Variants in PRRC2B observed in about 807,000 individuals in gnomAD.
PRRC2B encodes the protein proline rich coiled-coil 2B, also known as protein PRRC2B.
PRRC2B carries 68 observed loss-of-function variants against 242.3 expected under a neutral mutation model. The ratio of observed to expected loss-of-function variants is 0.28; its 90% confidence interval spans 0.23 to 0.34. The LOEUF is 0.34. Among genes scored for constraint, PRRC2B ranks in the 10% least tolerant of loss-of-function variants. PRRC2B has a pLI of 1.00. For missense variants in PRRC2B, 2,835 were observed against 2,954.8 expected (o/e 0.96, Z 0.94); for synonymous variants, 1,228 against 1,173.6 (o/e 1.05, Z -0.95).
chr9:131,447,759 A>C lies in PRRC2B; in HGVS notation c.1075A>C (p.Lys359Gln). 1.9e-6 allele frequency: 3 copies of C among 1,613,836 alleles called. No homozygotes were observed. The highest frequency in any genetic ancestry group is 2.5e-6 in the Non-Finnish European group (3 of 1,179,794). ...RPTIINAENL[K>Q]GLDDLDADAD... ...CACCATTATCAATGCGGAAAACCTG[A>C]AGGGCCTTGACGATCTGGACGCCGA... The change falls in exon 9 of 32, where the codon AAG becomes CAG. Residue 359 changes from lysine to glutamine, a missense_variant. This residue lies in a region of PRRC2B where 626 missense variants were observed against 685.5 expected (regional missense o/e 0.91). Transcript: ENST00000683519.
chr9:131,417,336 C>T (rs1448165104), intron 1 of PRRC2B, among the ~76,000 whole-genome samples: 2 of 152,104 alleles, frequency 1.3e-5, no homozygotes, highest in East Asian at 3.8e-4. Context: ...TTCCCCACCC[C>T]TTCCCCCTCT....
In PRRC2B at chr9:131,388,503, G is replaced by A. The variant is rs189839629; in HGVS notation, c.-56+14772G>A. 1.9e-3 allele frequency among the ~76,000 whole-genome samples: 287 copies of A among 149,694 alleles called. 15 individuals carry two copies. The highest frequency in any genetic ancestry group is 0.014 in the Middle Eastern group (4 of 290). On this transcript the variant is annotated intron_variant, in intron 1 of 1. Coordinates refer to the PRRC2B transcript ENST00000682525. ...GATCCGCGCACCTCGGACTCCCAAA[G>A]TGCTGGGATTACAGACGTGTGCCAC...
chr9:131,459,064 T>C, intron 10 of PRRC2B, 100 bp from the exon 11 acceptor site: 3 of 1,030,320 alleles, frequency 2.9e-6, no homozygotes, highest in Non-Finnish European at 4.4e-6. Context: ...AGAAAATGAT[T>C]TGGACAGCTG....
intron 19 of PRRC2B, 74 bp from the exon 20 acceptor site, chr9:131,481,652 G>A (rs45536539): frequency 0.13 from 155,900 of 1,215,816 alleles, 11,529 homozygotes; most frequent in Non-Finnish European, 0.14. Context: ...GCCTGTGCTT[G>A]TTCTTTAAGA....
intron 11 of PRRC2B, among the ~76,000 whole-genome samples, chr9:131,461,804 GGT>G (rs1035506703): frequency 6.0e-4 from 91 of 152,296 alleles, no homozygotes; most frequent in African/African-American, 1.9e-3. Context: ...TGGGATTTCA[GGT>G]GTGAGCCACT....
intron 1 of PRRC2B, among the ~76,000 whole-genome samples, chr9:131,410,963 G>A (rs938146661): frequency 6.6e-6 from 1 of 151,994 alleles, no homozygotes; most frequent in African/African-American, 2.4e-5. Context: ...TCTGAGTACA[G>A]ATTTATTTTT....
At chr9:131,468,964 C>A (rs1283154513) in intron 13 of PRRC2B, among the ~76,000 whole-genome samples, 2 of 152,174 alleles carry the variant, frequency 1.3e-5, no homozygotes, top group Admixed American at 6.5e-5. Flanking sequence ...TCTGGAATTA[C>A]TTGCGCCAAA....
Position 131,474,450 on chromosome 9 carries a change from T to G in PRRC2B, c.2325-4T>G. 1 of 1,597,430 alleles carries G rather than the reference T, an allele frequency of 6.3e-7. No homozygotes were observed. Among genetic ancestry groups the G allele is most frequent in the East Asian group, 2.2e-5 (1 of 44,588 alleles). ...ATTGACTGATTTTTCTGGTTCCTTT[T>G]CAGGAATGAAAGCTCTTTCTCTGCC... On this transcript the variant is annotated splice_polypyrimidine_tract_variant and splice_region_variant and intron_variant, in intron 15 of 31. Transcript: ENST00000683519.
At chr9:131,374,034 G>T (rs1836651363) in intron 1 of PRRC2B, among the ~76,000 whole-genome samples, 1 of 150,398 alleles carries the variant, frequency 6.6e-6, no homozygotes, top group Non-Finnish European at 1.5e-5. Context: ...ACTCCAGCCT[G>T]GGCGACAGAG....
chr9:131,456,401 G>A (rs552155247), intron 10 of PRRC2B, among the ~76,000 whole-genome samples: 1 of 152,102 alleles, frequency 6.6e-6, no homozygotes, highest in East Asian at 1.9e-4. Flanking sequence ...GGAGGCCAAG[G>A]CGGGCGGATC....
At chr9:131,488,481 G>A (rs1242650068) in intron 28 of PRRC2B, among the ~76,000 whole-genome samples, 1 of 152,034 alleles carries the variant, frequency 6.6e-6, no homozygotes, top group African/African-American at 2.4e-5. Flanking sequence ...GGCTGGTCTC[G>A]AACCCCTGAC....
At chr9:131,493,870 T>G (rs4740254) in intron 30 of PRRC2B, among the ~76,000 whole-genome samples, 138,355 of 149,888 alleles carry the variant, frequency 0.92, 64,064 homozygotes, top group East Asian at 0.99. Context: ...GACCGCAGAC[T>G]TTTTTTTTTT....
intron 11 of PRRC2B, among the ~76,000 whole-genome samples, chr9:131,459,632 C>T (rs992992956): frequency 2.6e-5 from 4 of 151,788 alleles, no homozygotes; most frequent in African/African-American, 7.3e-5. Context: ...CTTCACCTCC[C>T]ACCCTCAAGC....
chr9:131,436,176 G>C (rs1838362341), intron 3 of PRRC2B, among the ~76,000 whole-genome samples: 1 of 152,084 alleles, frequency 6.6e-6, no homozygotes, highest in Admixed American at 6.6e-5. Flanking sequence ...CAGACAGAAG[G>C]CTCTACAAGA....
chr9:131,420,120 A>G (rs1837762818), intron 1 of PRRC2B, among the ~76,000 whole-genome samples: 2 of 151,972 alleles, frequency 1.3e-5, no homozygotes, highest in East Asian at 1.9e-4. Context: ...GTTGCTTCCT[A>G]TATATGCTGT....
intron 12 of PRRC2B, 30 bp from the exon 13 acceptor site, chr9:131,467,533 G>C (rs958060414): frequency 6.5e-7 from 1 of 1,539,278 alleles, no homozygotes; most frequent in Non-Finnish European, 8.8e-7. Context: ...TGAGCTCACT[G>C]TGTCATTTCT....
At chr9:131,443,859 T>C (rs1158173273) in intron 5 of PRRC2B, among the ~76,000 whole-genome samples, 1 of 152,176 alleles carries the variant, frequency 6.6e-6, no homozygotes, top group Non-Finnish European at 1.5e-5. Context: ...GAGGCTGTGC[T>C]TGTCTGTGGC....
At chr9:131,428,920 G>A (rs976893050) in intron 1 of PRRC2B, among the ~76,000 whole-genome samples, 4 of 152,218 alleles carry the variant, frequency 2.6e-5, no homozygotes, top group African/African-American at 9.6e-5. Flanking sequence ...CTCAGTGCCT[G>A]GCACACAGGC....
chr9:131,381,674 C>G (rs1836762135), intron 1 of PRRC2B, among the ~76,000 whole-genome samples: 1 of 151,970 alleles, frequency 6.6e-6, no homozygotes, highest in South Asian at 2.1e-4. Context: ...CTGCCTCGGC[C>G]TCCCAAAGTG....
Sources: gnomAD v4.1 joint callset for allele counts (sites outside exome capture counted in the v4.1 genomes callset) on GRCh38, gnomAD v4.1.1 for gene constraint, gnomAD v4.1.1 regional missense constraint, MANE v1.5 for transcripts, NCBI Gene and HGNC (gene_info 2026-07-23, HGNC 2026-07-21) for gene names.